The following FUT8 variants were observed in gnomAD, a reference collection of about 807,000 sequenced individuals.
The protein encoded by FUT8 is fucosyltransferase 8.
A neutral mutation model predicts 71.3 loss-of-function variants in FUT8; 29 were observed. The ratio of observed to expected loss-of-function variants is 0.41; its 90% CI spans 0.30 to 0.55. FUT8 has a LOEUF of 0.55. FUT8 is among the 20% of genes least tolerant of loss of function. The pLI, the probability that FUT8 is intolerant of heterozygous loss-of-function variation, is 0.34. For synonymous variants in FUT8, 254 were observed against 239.3 expected (o/e 1.06, Z -0.57); for missense variants, 544 against 702.1 (o/e 0.77, Z 2.55).
intron 3 of FUT8, among the ~76,000 whole-genome samples, chr14:65,581,643 TG>T (rs1381103613): frequency 6.6e-6 from 1 of 152,164 alleles, no homozygotes; most frequent in African/African-American, 2.4e-5. Context: ...AACTGACACA[TG>T]TAAATTTTAA....
At chr14:65,656,036 A>G (rs1891664755) in intron 6 of FUT8, among the ~76,000 whole-genome samples, 1 of 152,200 alleles carries the variant, frequency 6.6e-6, no homozygotes, top group South Asian at 2.1e-4. Context: ...CTTTTCTCTA[A>G]GATCTGGAGC....
At chr14:65,720,729 C>A (rs1182500119) in intron 7 of FUT8, among the ~76,000 whole-genome samples, 1 of 152,132 alleles carries the variant, frequency 6.6e-6, no homozygotes, top group African/African-American at 2.4e-5. Flanking sequence ...CTTTCAAGTT[C>A]ATTTAGGGCC....
chr14:65,651,839 A>T (rs1891424742), intron 6 of FUT8, among the ~76,000 whole-genome samples: 1 of 152,204 alleles, frequency 6.6e-6, no homozygotes. Context: ...TGCAGTCTGA[A>T]CAACAGAGAG....
intron 2 of FUT8, among the ~76,000 whole-genome samples, chr14:65,558,684 T>C (rs1385259934): frequency 6.6e-6 from 1 of 152,198 alleles, no homozygotes; most frequent in African/African-American, 2.4e-5. Context: ...CAAGCATTCA[T>C]TGTAGTTAGT....
intron 5 of FUT8, among the ~76,000 whole-genome samples, chr14:65,618,102 A>G (rs934157401): frequency 9.1e-5 from 13 of 142,166 alleles, no homozygotes; most frequent in South Asian, 2.2e-4. Context: ...AGGTCTTTCT[A>G]TGTTACCCAG....
intron 7 of FUT8, among the ~76,000 whole-genome samples, chr14:65,719,769 A>G (rs1256343002): frequency 6.6e-6 from 1 of 152,232 alleles, no homozygotes; most frequent in Non-Finnish European, 1.5e-5. Context: ...ATTACCAAGC[A>G]GAGACTCTTG....
In FUT8 at chr14:65,644,060, A is replaced by G. The variant is rs111401268; in HGVS notation, c.597+14454A>G. ...AATAATGGAAGTTCTGATTGTAACT[A>G]CCAAGACTCAAGATGGAATTTCTTC... On this transcript the variant is annotated intron_variant, in intron 6 of 10. Coordinates refer to ENST00000673929, the MANE Select transcript of FUT8 (RefSeq NM_001371533.1). 1.1e-3 allele frequency among the ~76,000 whole-genome samples: 166 copies of G among 152,172 alleles called. 1 individual carries two copies. Among genetic ancestry groups the G allele is most frequent in the African/African-American group, 3.7e-3 (152 of 41,512 alleles).
intron 2 of FUT8, among the ~76,000 whole-genome samples, chr14:65,523,599 T>C (rs989645368): frequency 2.0e-5 from 3 of 152,362 alleles, no homozygotes; most frequent in Non-Finnish European, 4.4e-5. Context: ...TTTGTCAATT[T>C]TGGCTTTTGT....
intron 1 of FUT8, among the ~76,000 whole-genome samples, chr14:65,437,607 CAT>C (rs1376940073): frequency 6.6e-6 from 1 of 152,166 alleles, no homozygotes; most frequent in East Asian, 1.9e-4. Flanking sequence ...TACATGAATT[CAT>C]ATTACTTGAC....
intron 2 of FUT8, among the ~76,000 whole-genome samples, chr14:65,513,602 C>T (rs1277502924): frequency 6.6e-6 from 1 of 151,788 alleles, no homozygotes; most frequent in East Asian, 1.9e-4. Flanking sequence ...AAAATTAGAG[C>T]AGTGAAATTG....
chr14:65,696,767 G>C (rs1281888736), intron 7 of FUT8, among the ~76,000 whole-genome samples: 1 of 151,798 alleles, frequency 6.6e-6, no homozygotes, highest in Non-Finnish European at 1.5e-5. Context: ...TTTTAATTCA[G>C]TTTTGTAAGT....
chr14:65,637,708 T>C (rs1890632211), intron 6 of FUT8, among the ~76,000 whole-genome samples: 1 of 152,062 alleles, frequency 6.6e-6, no homozygotes, highest in African/African-American at 2.4e-5. Context: ...ATAAGGCGTG[T>C]GGACACCAGA....
chr14:65,497,750 A>G (rs2066581038), intron 2 of FUT8, among the ~76,000 whole-genome samples: 1 of 152,112 alleles, frequency 6.6e-6, no homozygotes, highest in Admixed American at 6.6e-5. Context: ...TTTTAAAATG[A>G]ATATATCATT....
chr14:65,601,304 C>G (rs1888276624), intron 3 of FUT8, among the ~76,000 whole-genome samples: 1 of 152,142 alleles, frequency 6.6e-6, no homozygotes, highest in African/African-American at 2.4e-5. Context: ...TTGACAAACT[C>G]TTATAAAGCT....
Position 65,627,903 on chromosome 14 carries a change from G to A in FUT8, c.483-1589G>A, listed in dbSNP as rs1312158714. On this transcript the variant is annotated intron_variant, in intron 5 of 10. Coordinates refer to ENST00000673929, the MANE Select transcript of FUT8 (RefSeq NM_001371533.1). The surrounding 1 kb of genome is among the most constrained non-coding windows in gnomAD (Gnocchi z 4.0). Reference sequence around the variant, plus strand: ...ACTGCCTGACCATCACCTGATGGTCGCCTGACATTGCTTGGAGGTTAAGGG... The same window carrying A: ...ACTGCCTGACCATCACCTGATGGTCACCTGACATTGCTTGGAGGTTAAGGG... Among the ~76,000 whole-genome samples, 2 of 152,086 alleles carry A rather than the reference G, an allele frequency of 1.3e-5. No homozygotes were observed. The highest frequency in any genetic ancestry group is 2.1e-4 in the South Asian group (1 of 4,812).
At chr14:65,524,576 G>C (rs1435029512) in intron 2 of FUT8, among the ~76,000 whole-genome samples, 1 of 152,060 alleles carries the variant, frequency 6.6e-6, no homozygotes, top group Non-Finnish European at 1.5e-5. Context: ...TCTTTCACCT[G>C]CCCGATTGCC....
the FUT8 span, among the ~76,000 whole-genome samples, chr14:65,379,726 A>G: frequency 1.3e-5 from 2 of 152,196 alleles, no homozygotes; most frequent in South Asian, 4.1e-4. Context: ...TGCTGCTATA[A>G]CAGGATACCA....
At chr14:65,570,373 C>A (rs1341170408) in intron 3 of FUT8, among the ~76,000 whole-genome samples, 1 of 151,404 alleles carries the variant, frequency 6.6e-6, no homozygotes, top group Non-Finnish European at 1.5e-5. Flanking sequence ...TTCCACAGCT[C>A]TCTAATGCCT....
intron 1 of FUT8, among the ~76,000 whole-genome samples, chr14:65,437,095 G>A (rs942888519): frequency 3.3e-5 from 5 of 152,140 alleles, no homozygotes; most frequent in Non-Finnish European, 7.4e-5. Context: ...AAACAGGATT[G>A]ATAATCTCTC....
Sources: allele counts gnomAD v4.1 joint callset (sites outside exome capture counted in the v4.1 genomes callset), GRCh38; gene constraint gnomAD v4.1.1; non-coding constraint Gnocchi (gnomAD v3.1); transcripts MANE v1.5; gene names NCBI Gene and HGNC (gene_info 2026-07-23, HGNC 2026-07-21).